The following SMIM35 variants were observed in gnomAD, a reference collection of about 807,000 sequenced individuals.
The protein encoded by SMIM35 is TMPRSS4 antisense RNA 1 (non-protein coding).
intron 1 of SMIM35, among the ~76,000 whole-genome samples, chr11:118,072,813 A>AAAC (rs2135144387): frequency 6.6e-6 from 1 of 152,378 alleles, no homozygotes; most frequent in African/African-American, 2.4e-5. Context: ...AGGTAGGCCT[A>AAAC]GCATGAGCTC....
At chr11:118,069,195 G>C (rs1303824924) in intron 1 of SMIM35, among the ~76,000 whole-genome samples, 1 of 152,198 alleles carries the variant, frequency 6.6e-6, no homozygotes, top group Non-Finnish European at 1.5e-5. Flanking sequence ...CACCCCCTCA[G>C]TTCCCTCATC....
At chr11:118,014,828 C>T (rs2058170689) in intron 2 of SMIM35, 87 bp from the exon 3 acceptor site, 1 of 398,100 alleles carries the variant, frequency 2.5e-6, no homozygotes, top group Non-Finnish European at 4.4e-6. Flanking sequence ...GCTCCCTCAC[C>T]CCTGTCTGGA....
chr11:118,028,744 G>C lies in SMIM35; in HGVS notation c.8-12935C>G, dbSNP rs767570760. 1.6e-5 allele frequency: 7 copies of C among 424,818 alleles called. No individual in the cohort carries two copies. In the Middle Eastern group the frequency reaches 1.4e-3, roughly 82 times the overall value. 26.3% of individuals were successfully genotyped at this position (424,818 alleles called of 1,614,324 possible). A position where few individuals can be genotyped will look rare whatever the true frequency, so the allele number is the denominator to read the frequency against. ...GTCAAGGGGTAAATTAGGAGGTTGG[G>C]GAAGAAGATGGAAGAAGAGAAACTG... On this transcript the variant is annotated intron_variant, in intron 1 of 4. Coordinates refer to ENST00000689828, the MANE Select transcript of SMIM35 (RefSeq NM_001394165.1).
intron 1 of SMIM35, among the ~76,000 whole-genome samples, chr11:118,048,420 C>T (rs1042068305): frequency 4.6e-5 from 7 of 151,894 alleles, no homozygotes; most frequent in Non-Finnish European, 5.9e-5. Context: ...GGCTGAGACA[C>T]GAGAATCACC....
At chr11:118,069,134 G>A (rs1944532349) in intron 1 of SMIM35, among the ~76,000 whole-genome samples, 1 of 152,176 alleles carries the variant, frequency 6.6e-6, no homozygotes, top group Non-Finnish European at 1.5e-5. Flanking sequence ...ATCCCACACT[G>A]CACCTGTGCT....
In SMIM35 at chr11:118,015,716, TACC is replaced by T; in HGVS notation, c.98_100del (p.Trp33del). Reference sequence around the variant, plus strand: ...ACCCTCCCAGCAGTACCCGCGCTGGTACCACTTGGCCAGGCTGTAGCCGAGGAT... The same window carrying T: ...ACCCTCCCAGCAGTACCCGCGCTGGTACTTGGCCAGGCTGTAGCCGAGGAT... On this transcript the variant is annotated inframe_deletion, in exon 2 of 5. Coordinates refer to ENST00000689828, the MANE Select transcript of SMIM35 (RefSeq NM_001394165.1). 2.5e-6 allele frequency: 1 copy of T among 399,328 alleles called. No homozygotes were observed. 24.7% of individuals were successfully genotyped at this position (399,328 alleles called of 1,614,324 possible).
At chr11:118,029,991 T>C (rs2058305071) in intron 1 of SMIM35, 2 of 348,554 alleles carry the variant, frequency 5.7e-6, no homozygotes, top group South Asian at 4.4e-5. Flanking sequence ...AGCCTGGTTA[T>C]CCATGCAGAA....
chr11:118,080,537 G>A (rs1031445826), intron 1 of SMIM35, among the ~76,000 whole-genome samples: 1 of 152,106 alleles, frequency 6.6e-6, no homozygotes, highest in African/African-American at 2.4e-5. Context: ...AGATGTCAGG[G>A]CTCCTGCGTG....
At chr11:118,072,567 G>A (rs1944588486) in intron 1 of SMIM35, among the ~76,000 whole-genome samples, 1 of 152,082 alleles carries the variant, frequency 6.6e-6, no homozygotes, top group Non-Finnish European at 1.5e-5. Context: ...GAAAAATGAA[G>A]GCAGGAAGAA....
chr11:118,011,756 T>A (rs2058151931), intron 4 of SMIM35, among the ~76,000 whole-genome samples: 1 of 152,058 alleles, frequency 6.6e-6, no homozygotes, highest in Non-Finnish European at 1.5e-5. Context: ...GAGGCCCCAG[T>A]CCTCAGAATT....
At chr11:118,051,889 G>T (rs550993952) in intron 1 of SMIM35, among the ~76,000 whole-genome samples, 25 of 146,642 alleles carry the variant, frequency 1.7e-4, no homozygotes, top group Non-Finnish European at 3.0e-4. Context: ...ATACTCTTGG[G>T]TTGATTGTGA....
intron 1 of SMIM35, among the ~76,000 whole-genome samples, chr11:118,066,914 T>C (rs1290956443): frequency 2.0e-5 from 3 of 152,072 alleles, no homozygotes; most frequent in Non-Finnish European, 2.9e-5. Flanking sequence ...GTTACAATTT[T>C]ACACTCAAGA....
intron 1 of SMIM35, among the ~76,000 whole-genome samples, chr11:118,069,029 T>A (rs1259292191): frequency 6.6e-6 from 1 of 152,202 alleles, no homozygotes; most frequent in East Asian, 1.9e-4. Context: ...CATTGACTCA[T>A]CACCCTAATG....
chr11:118,047,229 T>C (rs192940685), intron 1 of SMIM35, among the ~76,000 whole-genome samples: 51 of 152,348 alleles, frequency 3.3e-4, no homozygotes, highest in African/African-American at 1.2e-3. Context: ...TAGCATATTG[T>C]GACATGTTTA....
At chr11:118,052,433 C>T (rs1720204952) in intron 1 of SMIM35, among the ~76,000 whole-genome samples, 2 of 152,142 alleles carry the variant, frequency 1.3e-5, no homozygotes, top group South Asian at 2.1e-4. Flanking sequence ...GAGGATTTGC[C>T]AGGAGGCCAA....
intron 1 of SMIM35, among the ~76,000 whole-genome samples, chr11:118,027,432 A>G (rs1048116306): frequency 6.6e-6 from 1 of 152,128 alleles, no homozygotes; most frequent in Non-Finnish European, 1.5e-5. Flanking sequence ...TAGTTAAGTA[A>G]TCACCCAGTT....
intron 1 of SMIM35, among the ~76,000 whole-genome samples, chr11:118,069,703 C>T (rs1032956689): frequency 2.0e-5 from 3 of 152,222 alleles, no homozygotes; most frequent in Admixed American, 6.5e-5. Flanking sequence ...TATTAGGCCA[C>T]GAGGGCACAG....
Position 118,014,456 on chromosome 11 carries a change from G to A in SMIM35, c.158+252C>T, listed in dbSNP as rs1734448449. Among the ~76,000 whole-genome samples, 3 of 152,142 alleles carry A rather than the reference G, an allele frequency of 2.0e-5. No individual in the cohort carries two copies. In the South Asian group the frequency reaches 6.2e-4, roughly 32 times the overall value. ...TGAATGGATGGATGGATGGGTGGAT[G>A]GATGTTCCCTGCCTAAGGGTGAGTG... On this transcript the variant is annotated intron_variant, in intron 3 of 4. Transcript: ENST00000689828.
chr11:118,044,807 A>AAGC (rs1444220380), intron 1 of SMIM35, among the ~76,000 whole-genome samples: 3 of 151,032 alleles, frequency 2.0e-5, no homozygotes, highest in Non-Finnish European at 2.9e-5. Context: ...CTACTAAAAA[A>AAGC]AAAACAAAAC....
Sources: allele counts gnomAD v4.1 joint callset (sites outside exome capture counted in the v4.1 genomes callset), GRCh38; gene constraint gnomAD v4.1.1; transcripts MANE v1.5; gene names NCBI Gene and HGNC (gene_info 2026-07-23, HGNC 2026-07-21).